The following G3BP1 variants were observed in gnomAD, a reference collection of about 807,000 sequenced individuals.
The protein encoded by G3BP1 is ras GTPase-activating protein-binding protein 1.
A neutral mutation model predicts 58.6 loss-of-function variants in G3BP1; 35 were observed. That is an observed-to-expected ratio of 0.60 (90% CI 0.46 to 0.79). The LOEUF (loss-of-function observed/expected upper bound fraction) is 0.79. G3BP1 is among the 30% of genes least tolerant of loss of function. The pLI is 0.00. For synonymous variants in G3BP1, 191 were observed against 195.4 expected, an observed-to-expected ratio of 0.98 and a Z score of 0.19; for missense variants, 523 against 580.8, an observed-to-expected ratio of 0.90 and a Z score of 1.02.
At chr5:151,786,353 C>T (rs1030146759) in intron 1 of G3BP1, among the ~76,000 whole-genome samples, 4 of 152,150 alleles carry the variant, frequency 2.6e-5, no homozygotes, top group Non-Finnish European at 4.4e-5. Flanking sequence ...GTTCTTACGT[C>T]TTGAATATTG....
rs1414684219 is a variant in G3BP1, at chr5:151,811,529, A to T, written c.*7438A>T. On this transcript the variant is annotated 3_prime_UTR_variant, in exon 12 of 12. Coordinates refer to ENST00000356245, the MANE Select transcript of G3BP1 (RefSeq NM_005754.3). The stretch of plus-strand genomic sequence containing the variant: ...AAAACTTTAATTTTTTTCCATTGGA[A>T]TCAGCATGGATATGTGTATATGGAT... 1 of 152,202 alleles carries T rather than the reference A, an allele frequency of 6.6e-6. No individual in the cohort carries two copies. The highest frequency in any genetic ancestry group is 1.5e-5 in the Non-Finnish European group (1 of 68,044). 9.4% of individuals were successfully genotyped at this position (152,202 alleles called of 1,614,324 possible).
Position 151,784,255 on chromosome 5 carries a change from C to T in G3BP1, c.-49-2317C>T, listed in dbSNP as rs185992373. Among the ~76,000 whole-genome samples, 210 of 152,252 alleles carry T rather than the reference C, an allele frequency of 1.4e-3. 1 individual carries two copies. The highest frequency in any genetic ancestry group is 4.7e-3 in the African/African-American group (196 of 41,560). On this transcript the variant is annotated intron_variant, in intron 1 of 11. Coordinates refer to ENST00000356245, the MANE Select transcript of G3BP1 (RefSeq NM_005754.3). ...AGACTTTCAGGAATGTGCCACTACA[C>T]TTAGCTAATTTTTTTTTCTTCATTT...
rs1327809438 is a variant in G3BP1 at position 151,809,126 on chromosome 5, T to C, written c.*5035T>C. The C allele has an allele frequency of 6.6e-6, 1 of 152,218 alleles. No homozygotes were observed. The highest frequency in any genetic ancestry group is 2.4e-5 in the African/African-American group (1 of 41,440). The allele number at this position is 152,218 out of a possible 1,614,324, so 9.4% of individuals were successfully genotyped here. ...AGGAGTTGGAGGCTGCAGTGAGTTA[T>C]GATCATACCACTGCACTCTAACCTG... On this transcript the variant is annotated 3_prime_UTR_variant, in exon 12 of 12. Coordinates refer to ENST00000356245, the MANE Select transcript of G3BP1 (RefSeq NM_005754.3).
intron 1 of G3BP1, 101 bp from the exon 2 acceptor site, chr5:151,786,471 T>G: frequency 1.5e-6 from 1 of 652,028 alleles, no homozygotes; most frequent in South Asian, 1.8e-5. Flanking sequence ...TTTGTTTTTA[T>G]GATGTTTGTT....
intron 1 of G3BP1, among the ~76,000 whole-genome samples, chr5:151,783,934 T>A (rs913742288): frequency 6.6e-6 from 1 of 152,102 alleles, no homozygotes; most frequent in Admixed American, 6.5e-5. Context: ...AGCTAATTTT[T>A]GTATATTTAG....
chr5:151,796,442 T>G (rs753418530), intron 6 of G3BP1, among the ~76,000 whole-genome samples: 1 of 152,150 alleles, frequency 6.6e-6, no homozygotes, highest in African/African-American at 2.4e-5. Flanking sequence ...CTAAGTTTTG[T>G]GTTTTTGTAG....
chr5:151,795,366 T>C, intron 5 of G3BP1, 113 bp from the exon 6 acceptor site: 2 of 640,862 alleles, frequency 3.1e-6, no homozygotes, highest in South Asian at 3.9e-5. Flanking sequence ...ATTGTCCTAC[T>C]TTGTTTATTT....
At chr5:151,780,129 A>G (rs1762441370) in intron 1 of G3BP1, among the ~76,000 whole-genome samples, 1 of 152,112 alleles carries the variant, frequency 6.6e-6, no homozygotes, top group Non-Finnish European at 1.5e-5. Context: ...AGATTTTAAT[A>G]CTTTGGCGCA....
At position 151,795,589 on chromosome 5, in the gene G3BP1, G is replaced by T; in HGVS notation, c.539+14G>T. 7.4e-7 allele frequency: 1 copy of T among 1,347,200 alleles called. No individual in the cohort carries two copies. Among genetic ancestry groups the T allele is most frequent in the Non-Finnish European group, 1.1e-6 (1 of 939,068 alleles). 83.5% of individuals were successfully genotyped at this position (1,347,200 alleles called of 1,614,324 possible). A position where few individuals can be genotyped will look rare whatever the true frequency, so the allele number is the denominator to read the frequency against. On this transcript the variant is annotated intron_variant, in intron 6 of 11. Coordinates refer to ENST00000356245, the MANE Select transcript of G3BP1 (RefSeq NM_005754.3). ...GGCAGTTGTCAGGTAAGAAGATTTT[G>T]TTCACATGTCCGGGGCTGCATAAGA...
chr5:151,780,653 C>T (rs998438643), intron 1 of G3BP1, among the ~76,000 whole-genome samples: 2 of 152,140 alleles, frequency 1.3e-5, no homozygotes, highest in Admixed American at 6.5e-5. Context: ...GCTGGGACTA[C>T]AGGCGCCCAC....
At chr5:151,793,659 C>G (rs748426957) in intron 4 of G3BP1, among the ~76,000 whole-genome samples, 1 of 151,956 alleles carries the variant, frequency 6.6e-6, no homozygotes, top group Non-Finnish European at 1.5e-5. Context: ...TTAGCAGCAT[C>G]CCTAACCTTA....
chr5:151,810,498 C>G lies in G3BP1; in HGVS notation c.*6407C>G, dbSNP rs1361350437. 5 of 152,222 alleles carry G rather than the reference C, an allele frequency of 3.3e-5. No homozygotes were observed. The highest frequency in any genetic ancestry group is 7.3e-5 in the Non-Finnish European group (5 of 68,058). The allele number at this position is 152,222 out of a possible 1,614,324, so 9.4% of individuals were successfully genotyped here. A position where few individuals can be genotyped will look rare whatever the true frequency, so the allele number is the denominator to read the frequency against. On this transcript the variant is annotated 3_prime_UTR_variant, in exon 12 of 12. Coordinates refer to ENST00000356245, the MANE Select transcript of G3BP1 (RefSeq NM_005754.3). ...TTTCCCTCTTGTTTGAGGTCCTGTTCCAACCTTCATTTCTGAAACTGTTCT... is the reference window on the plus strand; with the variant it reads ...TTTCCCTCTTGTTTGAGGTCCTGTTGCAACCTTCATTTCTGAAACTGTTCT...
In G3BP1 at chr5:151,807,169, G is replaced by A. The variant is rs1450086632; in HGVS notation, c.*3078G>A. 6.6e-6 allele frequency: 1 copy of A among 152,162 alleles called. No homozygotes were observed. Among genetic ancestry groups the A allele is most frequent in the Non-Finnish European group, 1.5e-5 (1 of 68,028 alleles). 9.4% of individuals were successfully genotyped at this position (152,162 alleles called of 1,614,324 possible). ...TGAGTATGTCATTACCACAGTGTTA[G>A]TTGAATTGCACTTTAGGTTAGAAAA... On this transcript the variant is annotated 3_prime_UTR_variant, in exon 12 of 12. Coordinates refer to ENST00000356245, the MANE Select transcript of G3BP1 (RefSeq NM_005754.3).
At position 151,812,738 on chromosome 5, in the gene G3BP1, G is replaced by C. The variant is rs1406106487; in HGVS notation, c.*8647G>C. On this transcript the variant is annotated 3_prime_UTR_variant, in exon 12 of 12. Transcript: ENST00000356245. ...AAAATAACCCCTTCCTCCAGTGACT[G>C]TGCATTTATTTTGTAATAAACTCAT... is the stretch of plus-strand genomic sequence containing the variant. The C allele has an allele frequency of 6.6e-6, 1 of 152,198 alleles. No individual in the cohort carries two copies. The highest frequency in any genetic ancestry group is 2.4e-5 in the African/African-American group (1 of 41,446). The allele number at this position is 152,198 out of a possible 1,614,324, so 9.4% of individuals were successfully genotyped here.
At chr5:151,800,084 T>C (rs913217719) in intron 9 of G3BP1, 84 bp downstream of exon 9, 17 of 1,186,472 alleles carry the variant, frequency 1.4e-5, no homozygotes, top group Non-Finnish European at 1.1e-5. Context: ...ATTTATATAC[T>C]TTAAAATAAA....
At position 151,809,234 on chromosome 5, in the gene G3BP1, C is replaced by T. The variant is rs1297989358; in HGVS notation, c.*5143C>T. The stretch of plus-strand genomic sequence containing the variant: ...ACTTCGGTTACTCACTGTCCTCATG[C>T]TTTGATGTCAGTTGTTCTCCTAAAT... On this transcript the variant is annotated 3_prime_UTR_variant, in exon 12 of 12. Coordinates refer to ENST00000356245, the MANE Select transcript of G3BP1 (RefSeq NM_005754.3). 1 of 152,102 alleles carries T rather than the reference C, an allele frequency of 6.6e-6. No individual in the cohort carries two copies. Among genetic ancestry groups the T allele is most frequent in the Non-Finnish European group, 1.5e-5 (1 of 68,028 alleles). 9.4% of individuals were successfully genotyped at this position (152,102 alleles called of 1,614,324 possible).
At chr5:151,786,203 C>G (rs751883396) in intron 1 of G3BP1, among the ~76,000 whole-genome samples, 7 of 152,130 alleles carry the variant, frequency 4.6e-5, no homozygotes, top group Non-Finnish European at 4.4e-5. Flanking sequence ...GCAGGAGAAT[C>G]GCTTGAACCT....
At chr5:151,794,615 T>A (rs1427028955) in intron 5 of G3BP1, among the ~76,000 whole-genome samples, 1 of 152,220 alleles carries the variant, frequency 6.6e-6, no homozygotes, top group Non-Finnish European at 1.5e-5. Flanking sequence ...AACCCAGATC[T>A]ATTACAACAG....
chr5:151,772,442 C>G (rs2113208242), intron 1 of G3BP1: 1 of 152,392 alleles, frequency 6.6e-6, no homozygotes, highest in Admixed American at 6.5e-5. Context: ...CGGTTCGGAC[C>G]AGAAGGAGGC....
Sources: gnomAD v4.1 joint callset for allele counts (sites outside exome capture counted in the v4.1 genomes callset) on GRCh38, gnomAD v4.1.1 for gene constraint, MANE v1.5 for transcripts, NCBI Gene and HGNC (gene_info 2026-07-23, HGNC 2026-07-21) for gene names.